FHIP1A: variants seen among roughly 807,000 people sequenced by gnomAD.
The protein encoded by FHIP1A is FHF complex subunit HOOK-interacting protein 1A.
In FHIP1A, 61 loss-of-function variants were observed where a neutral mutation model predicts 88.6. That is an observed-to-expected ratio of 0.69 (90% CI 0.56 to 0.85). The LOEUF (loss-of-function observed/expected upper bound fraction) is 0.85. FHIP1A is among the 40% of genes least tolerant of loss of function. The pLI is 0.00. For synonymous variants in FHIP1A, 478 were observed against 496.0 expected (o/e 0.96, Z 0.48); for missense variants, 1,154 against 1,273.5 (o/e 0.91, Z 1.43).
chr4:151,411,538 C>G (rs1732647442), intron 1 of FHIP1A, among the ~76,000 whole-genome samples: 1 of 151,772 alleles, frequency 6.6e-6, no homozygotes, highest in Admixed American at 6.6e-5. Flanking sequence ...TTCATACAGA[C>G]AGGGTTTTGC....
At chr4:151,475,213 T>C (rs1230788561) in intron 2 of FHIP1A, among the ~76,000 whole-genome samples, 1 of 152,230 alleles carries the variant, frequency 6.6e-6, no homozygotes, top group African/African-American at 2.4e-5. Flanking sequence ...AGGCCTGCTC[T>C]TGGTGCTGGG....
At chr4:151,524,549 AG>A in intron 3 of FHIP1A, among the ~76,000 whole-genome samples, 1 of 152,336 alleles carries the variant, frequency 6.6e-6, no homozygotes, top group South Asian at 2.1e-4. Flanking sequence ...AGGAGGCACC[AG>A]CAGCTGCTGT....
At chr4:151,409,525 AAGG>A (rs1424668777) in intron 1 of FHIP1A, 60 bp downstream of exon 1, 1 of 152,608 alleles carries the variant, frequency 6.6e-6, no homozygotes, top group Non-Finnish European at 1.5e-5. Flanking sequence ...TAGAGGGTTG[AAGG>A]AGGAGGGAGA....
chr4:151,521,700 T>C (rs1731451307), intron 3 of FHIP1A, among the ~76,000 whole-genome samples: 1 of 151,144 alleles, frequency 6.6e-6, no homozygotes, highest in Admixed American at 6.6e-5. Context: ...TATGTATGTA[T>C]GTATGTATGT....
At chr4:151,620,181 G>A (rs1735684598) in intron 7 of FHIP1A, among the ~76,000 whole-genome samples, 1 of 152,222 alleles carries the variant, frequency 6.6e-6, no homozygotes. Context: ...AGTTGGGCAG[G>A]TTGTCTACTG....
chr4:151,612,374 A>ATGTTTT (rs749847037), intron 7 of FHIP1A, among the ~76,000 whole-genome samples: 7 of 152,000 alleles, frequency 4.6e-5, no homozygotes, highest in East Asian at 3.9e-4. Flanking sequence ...GGGTACCCAT[A>ATGTTTT]TGTTTTTGTT....
At chr4:151,527,326 A>G (rs988671992) in intron 3 of FHIP1A, among the ~76,000 whole-genome samples, 1 of 152,212 alleles carries the variant, frequency 6.6e-6, no homozygotes, top group South Asian at 2.1e-4. Context: ...GCTGGAGACC[A>G]GCCCGGCCAA....
chr4:151,427,494 T>C (rs1733427460), intron 1 of FHIP1A, among the ~76,000 whole-genome samples: 1 of 152,180 alleles, frequency 6.6e-6, no homozygotes, highest in African/African-American at 2.4e-5. Flanking sequence ...TACAAATTGT[T>C]CTCTATAAGT....
chr4:151,562,238 A>G lies in FHIP1A; in HGVS notation c.-122-3900A>G, dbSNP rs1733200891. Reference sequence around the variant, plus strand: ...TTAAATCTACCTATATTCTCTAGCCATTTCCACAAACCAACCAGAGTAATA... The same window carrying G: ...TTAAATCTACCTATATTCTCTAGCCGTTTCCACAAACCAACCAGAGTAATA... On this transcript the variant is annotated intron_variant, in intron 3 of 13. Coordinates refer to ENST00000435205, the MANE Select transcript of FHIP1A (RefSeq NM_001109977.3). Among the ~76,000 whole-genome samples, 2 of 152,122 alleles carry G rather than the reference A, an allele frequency of 1.3e-5. 1 individual carries two copies. Among genetic ancestry groups the G allele is most frequent in the South Asian group, 4.1e-4 (2 of 4,828 alleles).
intron 3 of FHIP1A, among the ~76,000 whole-genome samples, chr4:151,528,933 C>T (rs1213690581): frequency 6.6e-6 from 1 of 152,108 alleles, no homozygotes; most frequent in Admixed American, 6.5e-5. Context: ...TTATCCTATA[C>T]TTATTGTAAC....
chr4:151,638,856 T>C (rs1388135658), intron 9 of FHIP1A, 100 bp downstream of exon 9: 2 of 566,704 alleles, frequency 3.5e-6, no homozygotes, highest in Non-Finnish European at 5.7e-6. Context: ...TATATTACTT[T>C]GGTTGTATAA....
intron 1 of FHIP1A, among the ~76,000 whole-genome samples, chr4:151,450,940 G>T (rs1459179874): frequency 6.6e-6 from 1 of 151,908 alleles, no homozygotes; most frequent in Non-Finnish European, 1.5e-5. Context: ...ACCATGCTTG[G>T]CTAATTTTTG....
At chr4:151,461,907 T>C (rs1387109121) in intron 2 of FHIP1A, among the ~76,000 whole-genome samples, 1 of 152,240 alleles carries the variant, frequency 6.6e-6, no homozygotes, top group East Asian at 1.9e-4. Context: ...CTTACGCCTG[T>C]AATCCCACAC....
At chr4:151,609,247 A>G (rs1356338123) in intron 7 of FHIP1A, among the ~76,000 whole-genome samples, 1 of 152,210 alleles carries the variant, frequency 6.6e-6, no homozygotes, top group Non-Finnish European at 1.5e-5. Context: ...TGCTATGGGC[A>G]GGAGGGAAAA....
intron 9 of FHIP1A, among the ~76,000 whole-genome samples, chr4:151,640,935 C>T (rs778562782): frequency 9.2e-5 from 14 of 152,082 alleles, no homozygotes; most frequent in Non-Finnish European, 2.1e-4. Context: ...AAGAGATCAG[C>T]TCATGGTTGA....
chr4:151,436,107 G>A (rs547516135), intron 1 of FHIP1A, among the ~76,000 whole-genome samples: 1 of 152,182 alleles, frequency 6.6e-6, no homozygotes, highest in Non-Finnish European at 1.5e-5. Context: ...TGGCAGCGAC[G>A]CTTCAGTATC....
At chr4:151,411,865 C>T (rs1469931000) in intron 1 of FHIP1A, among the ~76,000 whole-genome samples, 1 of 152,186 alleles carries the variant, frequency 6.6e-6, no homozygotes, top group South Asian at 2.1e-4. Context: ...TTAGCAACTT[C>T]CAACCCTTGG....
intron 1 of FHIP1A, among the ~76,000 whole-genome samples, chr4:151,436,071 A>C (rs1486812612): frequency 6.6e-6 from 1 of 152,150 alleles, no homozygotes; most frequent in African/African-American, 2.4e-5. Flanking sequence ...TTTATTCCCC[A>C]AAAAGAAATG....
At chr4:151,456,662 A>G (rs919523220) in intron 2 of FHIP1A, among the ~76,000 whole-genome samples, 3 of 152,226 alleles carry the variant, frequency 2.0e-5, no homozygotes, top group African/African-American at 4.8e-5. Context: ...GAAAACATAC[A>G]CATAACACAC....
Sources: gnomAD v4.1 joint callset for allele counts (sites outside exome capture counted in the v4.1 genomes callset) on GRCh38, gnomAD v4.1.1 for gene constraint, MANE v1.5 for transcripts, NCBI Gene and HGNC (gene_info 2026-07-23, HGNC 2026-07-21) for gene names.